The following GABPB1 variants were observed in gnomAD, a reference collection of about 807,000 sequenced individuals.
GABPB1 encodes GA-binding protein subunit beta-1.
In GABPB1, 15 loss-of-function variants were observed where a neutral mutation model predicts 45.9. That is an observed-to-expected ratio of 0.33 (90% confidence interval 0.22 to 0.50). The LOEUF (loss-of-function observed/expected upper bound fraction) is 0.50, where lower values mean the gene tolerates loss of function less well. Among genes scored for constraint, GABPB1 ranks in the 20% least tolerant of loss-of-function variants. GABPB1 has a pLI of 0.98. For synonymous variants in GABPB1, 143 were observed against 154.4 expected (o/e 0.93, Z 0.55); for missense variants, 252 against 457.5 (o/e 0.55, Z 4.10).
At chr15:50,338,931 C>T (rs942326562) in intron 1 of GABPB1, among the ~76,000 whole-genome samples, 1 of 152,194 alleles carries the variant, frequency 6.6e-6, no homozygotes, top group African/African-American at 2.4e-5. Context: ...GAGGCCAAGG[C>T]GGGCAGATCA....
chr15:50,297,829 C>T (rs2046576550), intron 6 of GABPB1, among the ~76,000 whole-genome samples: 1 of 152,054 alleles, frequency 6.6e-6, no homozygotes, highest in Non-Finnish European at 1.5e-5. Flanking sequence ...GAGTGAGACC[C>T]TGTCTCCAAA....
At chr15:50,317,631 T>C (rs1043440558) in intron 1 of GABPB1, among the ~76,000 whole-genome samples, 2 of 151,960 alleles carry the variant, frequency 1.3e-5, no homozygotes, top group African/African-American at 2.4e-5. Context: ...ATATTGAGGC[T>C]GGGCGCGGTG....
intron 1 of GABPB1, among the ~76,000 whole-genome samples, chr15:50,316,306 T>C (rs766189084): frequency 7.2e-5 from 11 of 152,290 alleles, no homozygotes; most frequent in Middle Eastern, 3.4e-3. Context: ...CTATTTTGTT[T>C]TGAATTTCCG....
chr15:50,340,965 AC>A (rs1292309412), intron 1 of GABPB1, among the ~76,000 whole-genome samples: 1 of 117,884 alleles, frequency 8.5e-6, no homozygotes, highest in African/African-American at 3.5e-5. Context: ...ATTACATATT[AC>A]ATATGGTTTA....
At chr15:50,325,903 GT>G (rs1279107064) in intron 1 of GABPB1, among the ~76,000 whole-genome samples, 5 of 110,284 alleles carry the variant, frequency 4.5e-5, no homozygotes, top group South Asian at 2.9e-4. Flanking sequence ...AGATATAAGG[GT>G]TTTTTTTGTT....
intron 1 of GABPB1, among the ~76,000 whole-genome samples, chr15:50,345,774 C>A (rs1203017531): frequency 2.0e-5 from 3 of 151,264 alleles, no homozygotes; most frequent in Non-Finnish European, 4.4e-5. Context: ...TGCAGTGGTG[C>A]GATCTCGGCT....
At chr15:50,313,915 G>A (rs1422649986) in intron 1 of GABPB1, among the ~76,000 whole-genome samples, 1 of 151,998 alleles carries the variant, frequency 6.6e-6, no homozygotes, top group Non-Finnish European at 1.5e-5. Flanking sequence ...TAACATTAAG[G>A]AAAGTTTTAT....
intron 6 of GABPB1, among the ~76,000 whole-genome samples, chr15:50,291,503 A>G (rs932029670): frequency 4.3e-5 from 5 of 115,372 alleles, no homozygotes; most frequent in African/African-American, 1.6e-4. Context: ...TTTTTTTTGT[A>G]TTTTTAGTAG....
intron 8 of GABPB1, among the ~76,000 whole-genome samples, chr15:50,280,980 T>C (rs1436061739): frequency 3.9e-5 from 6 of 152,210 alleles, no homozygotes. Context: ...TGAGGTAGTC[T>C]AACAGTGAAA....
chr15:50,316,989 T>C (rs1383143869), intron 1 of GABPB1, among the ~76,000 whole-genome samples: 7 of 151,976 alleles, frequency 4.6e-5, no homozygotes, highest in Non-Finnish European at 7.4e-5. Context: ...CTCTAAAAGA[T>C]AAAAATATTT....
intron 1 of GABPB1, among the ~76,000 whole-genome samples, chr15:50,311,264 G>A (rs1376489072): frequency 1.3e-5 from 2 of 152,098 alleles, no homozygotes; most frequent in African/African-American, 4.8e-5. Flanking sequence ...ACTCAATTAT[G>A]TCATACAGTA....
intron 6 of GABPB1, among the ~76,000 whole-genome samples, chr15:50,299,802 A>G (rs2046663077): frequency 6.6e-6 from 1 of 152,076 alleles, no homozygotes; most frequent in Non-Finnish European, 1.5e-5. Flanking sequence ...AAATTTATGA[A>G]AAAAGTGTTT....
intron 8 of GABPB1, among the ~76,000 whole-genome samples, chr15:50,281,269 T>G (rs2045961934): frequency 6.6e-6 from 1 of 152,240 alleles, no homozygotes; most frequent in African/African-American, 2.4e-5. Flanking sequence ...TGGAGTGCAG[T>G]GGCATTATCT....
chr15:50,337,331 T>A (rs1258647187), intron 1 of GABPB1, among the ~76,000 whole-genome samples: 1 of 151,416 alleles, frequency 6.6e-6, no homozygotes, highest in African/African-American at 2.4e-5. Flanking sequence ...TGTTATGAGA[T>A]TCTGTAATAT....
chr15:50,303,226 G>GAC, intron 3 of GABPB1, 103 bp from the exon 4 acceptor site: 2 of 877,616 alleles, frequency 2.3e-6, no homozygotes, highest in Non-Finnish European at 3.5e-6. Context: ...AACAAATAAT[G>GAC]TAGTCAATTA....
At chr15:50,293,220 T>A (rs1328402051) in intron 6 of GABPB1, among the ~76,000 whole-genome samples, 1 of 152,176 alleles carries the variant, frequency 6.6e-6, no homozygotes, top group Non-Finnish European at 1.5e-5. Context: ...TATGGCATCA[T>A]GGATATCAGT....
At chr15:50,343,107 G>C (rs918471547) in intron 1 of GABPB1, among the ~76,000 whole-genome samples, 14 of 152,242 alleles carry the variant, frequency 9.2e-5, no homozygotes, top group African/African-American at 3.4e-4. Context: ...CACCATGTTA[G>C]CCAGGATGGT....
At chr15:50,337,106 TATATATATATATATATATATATAA>T (rs1221679746) in intron 1 of GABPB1, among the ~76,000 whole-genome samples, 3 of 7,590 alleles carry the variant, frequency 4.0e-4, no homozygotes, top group African/African-American at 1.5e-3. Flanking sequence ...TATATATATA[TATATATATATATATATATATATAA>T]TATGAAGAGG....
intron 8 of GABPB1, among the ~76,000 whole-genome samples, chr15:50,279,266 G>A (rs2140958081): frequency 6.6e-6 from 1 of 152,268 alleles, no homozygotes; most frequent in South Asian, 2.1e-4. Flanking sequence ...AGTTAAAGAT[G>A]AGAAAAATGA....
Sources: allele counts gnomAD v4.1 joint callset (sites outside exome capture counted in the v4.1 genomes callset), GRCh38; gene constraint gnomAD v4.1.1; transcripts MANE v1.5; gene names NCBI Gene and HGNC (gene_info 2026-07-23, HGNC 2026-07-21).